Variants in GPR176 observed in about 807,000 individuals in gnomAD.
The protein encoded by GPR176 is G protein-coupled receptor 176.
In GPR176, 26 loss-of-function variants were observed where a neutral mutation model predicts 35.4. That is an observed-to-expected ratio of 0.74 (90% CI 0.54 to 1.02). The LOEUF (loss-of-function observed/expected upper bound fraction) is 1.02, where lower values mean the gene tolerates loss of function less well. Ranked by LOEUF, GPR176 falls within the 50% of genes least tolerant of loss-of-function variation. The probability of loss-of-function intolerance (pLI) is 0.00; values close to 1 mark genes in which losing one functional copy is unlikely to be tolerated. For synonymous variants in GPR176, 278 were observed against 271.3 expected (o/e 1.02, Z -0.24); for missense variants, 597 against 665.3 (o/e 0.90, Z 1.13).
intron 2 of GPR176, among the ~76,000 whole-genome samples, chr15:39,802,828 G>T (rs1177808662): frequency 6.6e-6 from 1 of 152,180 alleles, no homozygotes; most frequent in Admixed American, 6.5e-5. Flanking sequence ...CTCCGACAAG[G>T]TCCTTCCACA....
At chr15:39,883,519 C>A (rs1309292098) in intron 1 of GPR176, among the ~76,000 whole-genome samples, 1 of 152,036 alleles carries the variant, frequency 6.6e-6, no homozygotes, top group Non-Finnish European at 1.5e-5. Context: ...CCATCACCTC[C>A]CAAAGTTTCC....
At chr15:39,840,047 G>A (rs1901647247) in intron 1 of GPR176, among the ~76,000 whole-genome samples, 1 of 152,322 alleles carries the variant, frequency 6.6e-6, no homozygotes, top group Admixed American at 6.5e-5. Flanking sequence ...GAGTAAATTA[G>A]TTCAACCATC....
At chr15:39,883,274 G>C (rs1368196523) in intron 1 of GPR176, among the ~76,000 whole-genome samples, 5 of 151,886 alleles carry the variant, frequency 3.3e-5, no homozygotes, top group Non-Finnish European at 5.9e-5. Context: ...AAAAACACTA[G>C]ATAAGGAACC....
intron 1 of GPR176, among the ~76,000 whole-genome samples, chr15:39,846,912 A>C (rs896516762): frequency 1.2e-4 from 18 of 152,156 alleles, no homozygotes; most frequent in African/African-American, 4.3e-4. Context: ...AGTTTTCTAA[A>C]TTATGTTTAA....
intron 1 of GPR176, among the ~76,000 whole-genome samples, chr15:39,811,837 A>G (rs1899582159): frequency 6.6e-6 from 1 of 151,710 alleles, no homozygotes; most frequent in Non-Finnish European, 1.5e-5. Flanking sequence ...AATGGCGTGA[A>G]CCTGGGAGGC....
intron 1 of GPR176, among the ~76,000 whole-genome samples, chr15:39,840,694 C>T (rs921595552): frequency 2.6e-5 from 4 of 151,912 alleles, no homozygotes; most frequent in Admixed American, 6.5e-5. Context: ...AGAACCAAGT[C>T]GATTGTAACC....
chr15:39,875,397 C>T (rs2032204208), intron 1 of GPR176, among the ~76,000 whole-genome samples: 2 of 152,134 alleles, frequency 1.3e-5, no homozygotes, highest in Non-Finnish European at 2.9e-5. Flanking sequence ...CAGATAAATA[C>T]TTGTCTTTGC....
At chr15:39,875,981 A>G (rs113563941) in intron 1 of GPR176, among the ~76,000 whole-genome samples, 70 of 149,406 alleles carry the variant, frequency 4.7e-4, no homozygotes, top group African/African-American at 1.7e-3. Flanking sequence ...TATATATTTA[A>G]TTTAAATATA....
chr15:39,895,289 A>AAGAGGGAGACCGTGGGGAGAGGAAGAGGG (rs11282502), intron 1 of GPR176, among the ~76,000 whole-genome samples: 1 of 87,292 alleles, frequency 1.1e-5, no homozygotes, highest in Non-Finnish European at 2.4e-5. Context: ...TGGGGAGAGG[A>AAGAGGGAGACCGTGGGGAGAGGAAGAGGG]AGAGGGGGAG....
intron 1 of GPR176, among the ~76,000 whole-genome samples, chr15:39,838,729 C>G (rs1901561265): frequency 6.6e-6 from 1 of 152,136 alleles, no homozygotes; most frequent in African/African-American, 2.4e-5. Context: ...CAGTATCAAA[C>G]TGAATGGGCA....
At chr15:39,838,130 T>C (rs757386747) in intron 1 of GPR176, among the ~76,000 whole-genome samples, 10 of 152,100 alleles carry the variant, frequency 6.6e-5, no homozygotes, top group Non-Finnish European at 1.5e-4. Flanking sequence ...ATTCTGAATA[T>C]TTTTATATAT....
chr15:39,813,715 T>C (rs1899721427), intron 1 of GPR176: 1 of 152,214 alleles, frequency 6.6e-6, no homozygotes, highest in African/African-American at 2.4e-5. Flanking sequence ...TTTATCATCA[T>C]TTTAATAGCT....
At chr15:39,831,475 A>T (rs1020600044) in intron 1 of GPR176, among the ~76,000 whole-genome samples, 3 of 152,124 alleles carry the variant, frequency 2.0e-5, no homozygotes, top group African/African-American at 7.2e-5. Flanking sequence ...AACATGGTTA[A>T]AACTAAATCC....
chr15:39,857,971 C>CGA (rs779553093), intron 1 of GPR176, among the ~76,000 whole-genome samples: 43 of 77,382 alleles, frequency 5.6e-4, no homozygotes, highest in African/African-American at 1.7e-3. Flanking sequence ...ACTCCTTCTC[C>CGA]AAAAAAAAAA....
chr15:39,906,973 C>T (rs2033439363), intron 1 of GPR176, among the ~76,000 whole-genome samples: 2 of 152,118 alleles, frequency 1.3e-5, no homozygotes, highest in South Asian at 2.1e-4. Context: ...CAAGGGAGAA[C>T]ACCACACAAA....
At chr15:39,871,687 C>T (rs1252242322) in intron 1 of GPR176, among the ~76,000 whole-genome samples, 8 of 152,154 alleles carry the variant, frequency 5.3e-5, no homozygotes, top group African/African-American at 9.7e-5. Context: ...GCTTCAAAAC[C>T]CTTTCCCAAG....
At chr15:39,914,524 A>G (rs2033673604) in intron 1 of GPR176, among the ~76,000 whole-genome samples, 1 of 152,086 alleles carries the variant, frequency 6.6e-6, no homozygotes, top group Non-Finnish European at 1.5e-5. Flanking sequence ...CATGTTGGCC[A>G]GGCTGGTCTC....
intron 1 of GPR176, among the ~76,000 whole-genome samples, chr15:39,835,312 C>A (rs892353545): frequency 6.6e-6 from 1 of 151,926 alleles, no homozygotes; most frequent in African/African-American, 2.4e-5. Flanking sequence ...AGCCACTGTG[C>A]CCGGCCAAAA....
chr15:39,831,660 A>C (rs2140828940), intron 1 of GPR176, among the ~76,000 whole-genome samples: 1 of 152,092 alleles, frequency 6.6e-6, no homozygotes, highest in East Asian at 1.9e-4. Flanking sequence ...ATCTCCCCTA[A>C]AATCCTTCAA....
Sources: gnomAD v4.1 joint callset for allele counts (sites outside exome capture counted in the v4.1 genomes callset) on GRCh38, gnomAD v4.1.1 for gene constraint, MANE v1.5 for transcripts, NCBI Gene and HGNC (gene_info 2026-07-23, HGNC 2026-07-21) for gene names.